The following SSH1 variants were observed in gnomAD, a reference collection of about 807,000 sequenced individuals.
SSH1 encodes slingshot protein phosphatase 1, also known as protein phosphatase Slingshot homolog 1.
In SSH1, 43 loss-of-function variants were observed where a neutral mutation model predicts 79.7. The ratio of observed to expected loss-of-function variants is 0.54; its 90% CI spans 0.42 to 0.70. The LOEUF is 0.70. Among genes scored for constraint, SSH1 ranks in the 30% least tolerant of loss-of-function variants. The probability of loss-of-function intolerance (pLI) is 0.00; values close to 1 mark genes in which losing one functional copy is unlikely to be tolerated. For missense variants in SSH1, 1,206 were observed against 1,358.8 expected, an observed-to-expected ratio of 0.89 and a Z score of 1.77; for synonymous variants, 599 against 538.3, an observed-to-expected ratio of 1.11 and a Z score of -1.56.
At chr12:108,833,410 A>G (rs528922038) in intron 2 of SSH1, among the ~76,000 whole-genome samples, 3 of 152,362 alleles carry the variant, frequency 2.0e-5, no homozygotes, top group Admixed American at 6.5e-5. Flanking sequence ...TAACAGGCAC[A>G]TGAAGGAAAT....
intron 2 of SSH1, among the ~76,000 whole-genome samples, chr12:108,842,822 T>G (rs900401869): frequency 1.3e-5 from 2 of 152,248 alleles, no homozygotes; most frequent in Non-Finnish European, 2.9e-5. Flanking sequence ...TACCGTTTAC[T>G]ACTAAATAAA....
rs1279937351 is a variant in SSH1, at chr12:108,857,432, C to T, written c.65G>A (p.Ser22Asn). The change falls in exon 1 of 15, where the codon AGC (serine) becomes AAC (asparagine). Residue 22 changes from serine to asparagine, a missense_variant. Ser to Asn is a conservative substitution (Grantham distance 46). Coordinates refer to ENST00000326495, the MANE Select transcript of SSH1 (RefSeq NM_018984.4). This position sits in a 1 kb window ranked among gnomAD's most constrained non-coding sequence, Gnocchi z 4.7. The part of the protein sequence containing the change: ...PSAASSSASN[S>N]ELEAGSEEDR... ...CGCGGCGAGCCCGGGGCTCACCTCG[C>T]TGTTGCTGGCCGAGGAGGAGGCGGC... 1.8e-6 allele frequency: 2 copies of T among 1,100,472 alleles called. No individual in the cohort carries two copies. The highest frequency in any genetic ancestry group is 3.4e-5 in the African/African-American group (2 of 59,318). The allele number at this position is 1,100,472 out of a possible 1,614,324, so 68.2% of individuals were successfully genotyped here. A position where few individuals can be genotyped will look rare whatever the true frequency, so the allele number is the denominator to read the frequency against.
chr12:108,829,966 C>G (rs753274826), intron 2 of SSH1, among the ~76,000 whole-genome samples: 2 of 152,040 alleles, frequency 1.3e-5, no homozygotes, highest in Non-Finnish European at 2.9e-5. Flanking sequence ...ATTAGCTAGG[C>G]TTGGTGGTGT....
intron 2 of SSH1, chr12:108,827,465 G>A: frequency 7.7e-7 from 1 of 1,297,094 alleles, no homozygotes; most frequent in South Asian, 2.8e-5. Flanking sequence ...ACGAGGGCTG[G>A]GGAGCCAACT....
In SSH1 at chr12:108,841,113, G is replaced by C. The variant is rs566342912; in HGVS notation, c.110+11525C>G. 1.3e-3 allele frequency among the ~76,000 whole-genome samples: 204 copies of C among 152,362 alleles called. 1 individual carries two copies. The highest frequency in any genetic ancestry group is 4.8e-3 in the African/African-American group (199 of 41,588). Reference sequence around the variant, plus strand: ...TAGCAGGAGACAGGGACCCAGAGAAGTGAAGAGGCGTTGCCTTAGGTTGCA... The same window carrying C: ...TAGCAGGAGACAGGGACCCAGAGAACTGAAGAGGCGTTGCCTTAGGTTGCA... On this transcript the variant is annotated intron_variant, in intron 2 of 14. Coordinates refer to ENST00000326495, the MANE Select transcript of SSH1 (RefSeq NM_018984.4).
chr12:108,837,926 G>A (rs2137249212), intron 2 of SSH1, among the ~76,000 whole-genome samples: 1 of 152,148 alleles, frequency 6.6e-6, no homozygotes, highest in Non-Finnish European at 1.5e-5. Context: ...GGGACTACAG[G>A]TGTGTGCTGC....
chr12:108,847,342 T>G (rs1405423359), intron 2 of SSH1, among the ~76,000 whole-genome samples: 1 of 152,238 alleles, frequency 6.6e-6, no homozygotes, highest in Non-Finnish European at 1.5e-5. Flanking sequence ...AGGAGCCAGA[T>G]GCCAAACTTA....
At chr12:108,823,744 T>G (rs970247670) in intron 2 of SSH1, among the ~76,000 whole-genome samples, 2 of 152,152 alleles carry the variant, frequency 1.3e-5, no homozygotes, top group African/African-American at 4.8e-5. Context: ...CTCAACTCAC[T>G]GCAACCTCTG....
At chr12:108,845,524 C>T (rs1016534348) in intron 2 of SSH1, among the ~76,000 whole-genome samples, 9 of 152,110 alleles carry the variant, frequency 5.9e-5, no homozygotes, top group African/African-American at 2.2e-4. Flanking sequence ...CCTGTCTCTA[C>T]TAAAAATACA....
chr12:108,817,788 G>T (rs771888517), intron 4 of SSH1, among the ~76,000 whole-genome samples: 28 of 152,226 alleles, frequency 1.8e-4, no homozygotes, highest in Admixed American at 6.5e-4. Context: ...CCCCTCTGGG[G>T]AACTGAGGAG....
intron 14 of SSH1, chr12:108,792,033 T>C (rs1230496063): frequency 1.4e-6 from 2 of 1,435,262 alleles, no homozygotes; most frequent in Non-Finnish European, 1.8e-6. Flanking sequence ...TGTGCAGAGA[T>C]ATGTGTTATT....
intron 14 of SSH1, chr12:108,792,023 T>C: frequency 7.1e-7 from 1 of 1,414,604 alleles, no homozygotes; most frequent in Non-Finnish European, 9.3e-7. Flanking sequence ...GTGAAGATGG[T>C]GTGCAGAGAT....
chr12:108,807,650 G>C lies in SSH1; in HGVS notation c.714C>G (p.Pro238=), dbSNP rs578093048. The change falls in exon 8 of 15, where the codon CCC becomes CCG. Residue 238 remains proline, a synonymous_variant. Coordinates refer to ENST00000326495, the MANE Select transcript of SSH1 (RefSeq NM_018984.4). The surrounding 1 kb of genome is among the most constrained non-coding windows in gnomAD (Gnocchi z 5.2). ...QDLESTRPDS[P]ALFVDKPTEG... ...TCACTTACTTGTCCACAAATAGCGC[G>C]GGGGAGTCGGGCCGCGTAGACTCCA... The C allele has an allele frequency of 1.1e-5, 18 of 1,612,662 alleles. 1 individual carries two copies. The highest frequency in any genetic ancestry group is 3.3e-4 in the Middle Eastern group (2 of 6,080).
At chr12:108,840,799 G>T (rs533061308) in intron 2 of SSH1, among the ~76,000 whole-genome samples, 1 of 152,162 alleles carries the variant, frequency 6.6e-6, no homozygotes, top group African/African-American at 2.4e-5. Flanking sequence ...GGGCAGACGC[G>T]GCAGGCTAAG....
At chr12:108,795,942 C>G (rs867254169) in intron 13 of SSH1, among the ~76,000 whole-genome samples, 1 of 152,140 alleles carries the variant, frequency 6.6e-6, no homozygotes, top group Non-Finnish European at 1.5e-5. Flanking sequence ...AGGTCTCGCT[C>G]TGTTGCTCAG....
intron 3 of SSH1, among the ~76,000 whole-genome samples, chr12:108,821,780 T>C (rs1359443740): frequency 6.6e-6 from 1 of 152,192 alleles, no homozygotes; most frequent in Non-Finnish European, 1.5e-5. Flanking sequence ...TATGTGAAAA[T>C]ACTGACTGAG....
chr12:108,830,383 T>C (rs559592284), intron 2 of SSH1, among the ~76,000 whole-genome samples: 1 of 152,092 alleles, frequency 6.6e-6, no homozygotes, highest in South Asian at 2.1e-4. Context: ...ACCCTGGAGG[T>C]CGAGGCTGCA....
intron 2 of SSH1, among the ~76,000 whole-genome samples, chr12:108,842,502 CA>C (rs1393550973): frequency 3.9e-5 from 6 of 152,240 alleles, no homozygotes; most frequent in African/African-American, 1.4e-4. Flanking sequence ...CCAGAGCCTG[CA>C]GCCTGCAGAA....
chr12:108,788,382 A>G lies in SSH1; in HGVS notation c.2756T>C (p.Ile919Thr), dbSNP rs1457876763. ...SSFSKDFLKTICYTPTSSSMS... is the reference protein window; with the variant it reads ...SSFSKDFLKTTCYTPTSSSMS... ...GGAAGAGGAGGTGGGGGTGTAGCAG[A>G]TGGTCTTCAGAAAGTCTTTTGAGAA... Residue 919 changes from isoleucine (I) to threonine (T), a missense_variant, in exon 15 of 15, where the codon ATC becomes ACC. By Grantham distance (89) the Ile-to-Thr change is moderately conservative (BLOSUM62 -1). Around this residue, in one of 5 missense-constraint regions of SSH1, gnomAD observed 709 missense variants for 730.6 expected, o/e 0.97. Coordinates refer to ENST00000326495, the MANE Select transcript of SSH1 (RefSeq NM_018984.4). The G allele has an allele frequency of 5.0e-6, 8 of 1,612,428 alleles. No individual in the cohort carries two copies. Among genetic ancestry groups the G allele is most frequent in the African/African-American group, 1.3e-5 (1 of 74,884 alleles).
Sources: allele counts gnomAD v4.1 joint callset (sites outside exome capture counted in the v4.1 genomes callset), GRCh38; gene constraint gnomAD v4.1.1; regional missense constraint gnomAD v4.1.1; non-coding constraint Gnocchi (gnomAD v3.1); transcripts MANE v1.5; gene names NCBI Gene and HGNC (gene_info 2026-07-23, HGNC 2026-07-21).